The following NOL4 variants were observed in gnomAD, a reference collection of about 807,000 sequenced individuals.
NOL4 encodes the protein nucleolar protein 4, also known as cancer/testis antigen 125.
In NOL4, 17 loss-of-function variants were observed where a neutral mutation model predicts 75.9. The ratio of observed to expected loss-of-function variants is 0.22; its 90% CI spans 0.15 to 0.34. The LOEUF is 0.34. NOL4 is among the 10% of genes least tolerant of loss of function. The pLI, the probability that NOL4 is intolerant of heterozygous loss-of-function variation, is 1.00. For synonymous variants in NOL4, 292 were observed against 289.9 expected, an observed-to-expected ratio of 1.01 and a Z score of -0.07; for missense variants, 614 against 793.5, an observed-to-expected ratio of 0.77 and a Z score of 2.72.
At chr18:33,868,369 G>A (rs1408574683) in intron 10 of NOL4, among the ~76,000 whole-genome samples, 14 of 151,866 alleles carry the variant, frequency 9.2e-5, no homozygotes, top group African/African-American at 3.4e-4. Context: ...ACACCTCACA[G>A]ACATATATAG....
At chr18:33,940,659 G>A (rs553140128) in intron 9 of NOL4, among the ~76,000 whole-genome samples, 66 of 151,884 alleles carry the variant, frequency 4.3e-4, no homozygotes, top group East Asian at 1.4e-3. Flanking sequence ...TAACCTGCAC[G>A]TTCTGCACAT....
At chr18:34,116,486 A>C (rs895941509) in intron 2 of NOL4, among the ~76,000 whole-genome samples, 3 of 152,216 alleles carry the variant, frequency 2.0e-5, no homozygotes, top group African/African-American at 7.2e-5. Context: ...AGTTAAGGTA[A>C]ACTTATAAGT....
chr18:33,999,887 C>T (rs540524832), intron 6 of NOL4, among the ~76,000 whole-genome samples: 1 of 152,094 alleles, frequency 6.6e-6, no homozygotes, highest in South Asian at 2.1e-4. Flanking sequence ...GCCCTGACCT[C>T]GTAATCCACC....
chr18:33,911,825 A>T (rs2145150161), intron 9 of NOL4, among the ~76,000 whole-genome samples: 1 of 152,256 alleles, frequency 6.6e-6, no homozygotes, highest in South Asian at 2.1e-4. Flanking sequence ...AGAGATGTAT[A>T]GCTTTCAGCT....
chr18:34,209,619 T>C (rs751450562), intron 1 of NOL4, among the ~76,000 whole-genome samples: 21 of 152,114 alleles, frequency 1.4e-4, no homozygotes, highest in Non-Finnish European at 2.6e-4. Flanking sequence ...TTTGTGTATA[T>C]AGACTGGTTA....
At chr18:34,195,260 G>T (rs1432766780) in intron 1 of NOL4, among the ~76,000 whole-genome samples, 1 of 152,068 alleles carries the variant, frequency 6.6e-6, no homozygotes, top group African/African-American at 2.4e-5. Flanking sequence ...TACTTTATCA[G>T]AAATTACTGA....
At chr18:34,066,604 T>G (rs2077285533) in intron 5 of NOL4, among the ~76,000 whole-genome samples, 1 of 151,856 alleles carries the variant, frequency 6.6e-6, no homozygotes, top group Admixed American at 6.6e-5. Flanking sequence ...AAATCAGTAC[T>G]AAAGTATTCC....
At chr18:34,086,252 T>C (rs190290748) in intron 5 of NOL4, among the ~76,000 whole-genome samples, 5 of 152,284 alleles carry the variant, frequency 3.3e-5, no homozygotes, top group African/African-American at 1.2e-4. Flanking sequence ...TAGGAACGAA[T>C]TCAATTTTGA....
chr18:34,150,140 T>C (rs1445144549), intron 1 of NOL4, among the ~76,000 whole-genome samples: 2 of 151,710 alleles, frequency 1.3e-5, no homozygotes. Flanking sequence ...GCCCAGAATT[T>C]AATAAGTACT....
intron 5 of NOL4, among the ~76,000 whole-genome samples, chr18:34,024,769 A>G (rs1193001820): frequency 6.6e-6 from 1 of 152,210 alleles, no homozygotes; most frequent in Admixed American, 6.5e-5. Context: ...GTGTATTAGT[A>G]GTTCTCAAAC....
At position 34,167,387 on chromosome 18, in the gene NOL4, G is replaced by A. The variant is rs141054477; in HGVS notation, c.265-37367C>T. Among the ~76,000 whole-genome samples the A allele has an allele frequency of 1.6e-3, 244 of 152,138 alleles. 11 individuals carry two copies. In the East Asian group the frequency reaches 0.037, roughly 23 times the overall value. The stretch of plus-strand genomic sequence containing the variant: ...TTGTTAAACACTTCTCTAATCTGTC[G>A]ATACTTGCTTGTATCTCTGGCTTGG... On this transcript the variant is annotated intron_variant, in intron 1 of 10. Transcript: ENST00000261592.
At chr18:34,042,077 A>C (rs1010465136) in intron 5 of NOL4, among the ~76,000 whole-genome samples, 11 of 152,034 alleles carry the variant, frequency 7.2e-5, no homozygotes, top group Non-Finnish European at 1.0e-4. Context: ...TTTTCTATAA[A>C]TACAAAGTTC....
At chr18:33,853,467 T>C (rs1439731672) in intron 10 of NOL4, among the ~76,000 whole-genome samples, 2 of 152,142 alleles carry the variant, frequency 1.3e-5, no homozygotes, top group Non-Finnish European at 1.5e-5. Flanking sequence ...AAAACTGTGA[T>C]GCTAATGACT....
chr18:33,929,835 TAAG>T (rs2067572354), intron 9 of NOL4, among the ~76,000 whole-genome samples: 1 of 152,106 alleles, frequency 6.6e-6, no homozygotes. Flanking sequence ...ATTAAATACT[TAAG>T]AAAATAACTA....
chr18:34,177,955 A>G (rs1336507463), intron 1 of NOL4, among the ~76,000 whole-genome samples: 1 of 151,892 alleles, frequency 6.6e-6, no homozygotes, highest in East Asian at 1.9e-4. Flanking sequence ...ACAGATAAGT[A>G]TATGAAGGGA....
At chr18:33,884,344 T>C (rs1027826836) in intron 9 of NOL4, among the ~76,000 whole-genome samples, 4 of 152,084 alleles carry the variant, frequency 2.6e-5, no homozygotes, top group African/African-American at 7.2e-5. Context: ...TTCCATTACA[T>C]GCGTTATAAC....
intron 5 of NOL4, among the ~76,000 whole-genome samples, chr18:34,039,595 A>C (rs2144778427): frequency 6.6e-6 from 1 of 152,180 alleles, no homozygotes; most frequent in Non-Finnish European, 1.5e-5. Flanking sequence ...GTTCCAAAAA[A>C]ATAAGTGTGT....
intron 1 of NOL4, among the ~76,000 whole-genome samples, chr18:34,190,901 A>G (rs1015950321): frequency 1.3e-5 from 2 of 152,036 alleles, no homozygotes; most frequent in African/African-American, 4.8e-5. Context: ...TTCTGGCTTA[A>G]CTATGCAAAA....
At chr18:33,855,302 T>G (rs1334285644) in intron 10 of NOL4, among the ~76,000 whole-genome samples, 2 of 152,130 alleles carry the variant, frequency 1.3e-5, no homozygotes, top group Non-Finnish European at 2.9e-5. Flanking sequence ...AATCCCATAC[T>G]TGACTGGTTT....
Sources: gnomAD v4.1 joint callset for allele counts (sites outside exome capture counted in the v4.1 genomes callset) on GRCh38, gnomAD v4.1.1 for gene constraint, MANE v1.5 for transcripts, NCBI Gene and HGNC (gene_info 2026-07-23, HGNC 2026-07-21) for gene names.